ADAMTS2: variants seen among roughly 807,000 people sequenced by gnomAD.
ADAMTS2 encodes the protein A disintegrin and metalloproteinase with thrombospondin motifs 2.
A neutral mutation model predicts 123.0 loss-of-function variants in ADAMTS2; 50 were observed. The ratio of observed to expected loss-of-function variants is 0.41; its 90% CI spans 0.32 to 0.51. The LOEUF is 0.51. ADAMTS2 is among the 20% of genes least tolerant of loss of function. ADAMTS2 has a pLI of 0.35. For synonymous variants in ADAMTS2, 678 were observed against 695.4 expected (o/e 0.98, Z 0.39); for missense variants, 1,494 against 1,705.2 (o/e 0.88, Z 2.18).
At chr5:179,249,108 G>A (rs1765865376) in intron 3 of ADAMTS2, among the ~76,000 whole-genome samples, 1 of 152,052 alleles carries the variant, frequency 6.6e-6, no homozygotes, top group African/African-American at 2.4e-5. Context: ...TCACAAATAT[G>A]TAGAAATTTA....
At chr5:179,173,779 G>A (rs997233870) in intron 5 of ADAMTS2, among the ~76,000 whole-genome samples, 1 of 152,156 alleles carries the variant, frequency 6.6e-6, no homozygotes, top group African/African-American at 2.4e-5. Context: ...ACTTTGGGAG[G>A]CCGAGGCGGA....
In ADAMTS2 at chr5:179,225,305, G is replaced by A. The variant is rs1284325647; in HGVS notation, c.689-17590C>T. ...AGGAAACAATCCAGCAATCCAAAAGGGAAATGGACAAACGGTATTGATACA... is the reference window on the plus strand; with the variant it reads ...AGGAAACAATCCAGCAATCCAAAAGAGAAATGGACAAACGGTATTGATACA... On this transcript the variant is annotated intron_variant, in intron 3 of 21. Coordinates refer to ENST00000251582, the MANE Select transcript of ADAMTS2 (RefSeq NM_014244.5). The surrounding 1 kb of genome is among the most constrained non-coding windows in gnomAD (Gnocchi z 4.5). Among the ~76,000 whole-genome samples the A allele has an allele frequency of 6.6e-6, 1 of 152,190 alleles. No individual in the cohort carries two copies. The highest frequency in any genetic ancestry group is 1.9e-4 in the East Asian group (1 of 5,196).
In ADAMTS2 at chr5:179,140,799, C is replaced by CTTTTT. The variant is rs770094463; in HGVS notation, c.1630-769_1630-765dup. Among the ~76,000 whole-genome samples the CTTTTT allele has an allele frequency of 7.3e-3, 660 of 90,412 alleles. 75 individuals are homozygous for CTTTTT. Among genetic ancestry groups the CTTTTT allele is most frequent in the African/African-American group, 0.021 (473 of 22,612 alleles). 59.3% of individuals were successfully genotyped at this position (90,412 alleles called of 152,430 possible). ...TTTCCTTCAGTTCCGACTGCATGCT[C>CTTTTT]TTTTTTTTTTTTTTTTTTTGAGACA... is the stretch of plus-strand genomic sequence containing the variant. On this transcript the variant is annotated intron_variant, in intron 10 of 21. Coordinates refer to ENST00000251582, the MANE Select transcript of ADAMTS2 (RefSeq NM_014244.5).
chr5:179,138,503 G>C (rs1380320653), intron 11 of ADAMTS2, among the ~76,000 whole-genome samples: 1 of 152,228 alleles, frequency 6.6e-6, no homozygotes, highest in Non-Finnish European at 1.5e-5. Context: ...GGCGGGCTGC[G>C]TTTCTGCAAC....
chr5:179,187,167 C>T (rs1270872431), intron 4 of ADAMTS2, among the ~76,000 whole-genome samples: 6 of 152,160 alleles, frequency 3.9e-5, no homozygotes, highest in Non-Finnish European at 7.3e-5. Flanking sequence ...CTTTAGATAT[C>T]TCAGGAGCAT....
At chr5:179,136,065 T>G (rs1406141720) in intron 12 of ADAMTS2, 23 bp from the exon 13 acceptor site, 2 of 1,612,526 alleles carry the variant, frequency 1.2e-6, no homozygotes, top group Admixed American at 3.3e-5. Context: ...CAGCTGGGGG[T>G]CTGCAAGGAG....
chr5:179,277,363 CACCCCCCGAGACCAAAGGCTGA>C, intron 2 of ADAMTS2, among the ~76,000 whole-genome samples: 1 of 9,862 alleles, frequency 1.0e-4, no homozygotes, highest in African/African-American at 8.2e-4. Flanking sequence ...CAAAGGCTGA[CACCCCCCGAGACCAAAGGCTGA>C]CCCCCCCCCC....
intron 12 of ADAMTS2, among the ~76,000 whole-genome samples, chr5:179,137,303 C>CA (rs1273324688): frequency 6.6e-6 from 1 of 152,266 alleles, no homozygotes; most frequent in African/African-American, 2.4e-5. Context: ...CCAGACTCCT[C>CA]AGGTCCCTGA....
chr5:179,230,230 G>C (rs114884322), intron 3 of ADAMTS2, among the ~76,000 whole-genome samples: 1,638 of 152,292 alleles, frequency 0.011, 36 homozygotes, highest in African/African-American at 0.038. Context: ...GGTGCCCTCG[G>C]GGGCAAGGGG....
In ADAMTS2 at chr5:179,170,034, T is replaced by C. The variant is rs1763783427; in HGVS notation, c.975+11038A>G. ...AAATCAATTGAAAAGCCAGTTGCTA[T>C]GCAACCTCAAGTGTTGCCGATGCTC... On this transcript the variant is annotated intron_variant, in intron 5 of 21. Transcript: ENST00000251582. This position sits in a 1 kb window ranked among gnomAD's most constrained non-coding sequence, Gnocchi z 4.3. Among the ~76,000 whole-genome samples the C allele has an allele frequency of 1.3e-5, 2 of 152,248 alleles. No homozygotes were observed. Among genetic ancestry groups the C allele is most frequent in the African/African-American group, 2.4e-5 (1 of 41,458 alleles).
chr5:179,131,732 T>A lies in ADAMTS2; in HGVS notation c.2290+498A>T, dbSNP rs1031103936. Among the ~76,000 whole-genome samples, 4 of 152,166 alleles carry A rather than the reference T, an allele frequency of 2.6e-5. No individual in the cohort carries two copies. The South Asian group carries it at 8.3e-4, about 32-fold the overall frequency. On this transcript the variant is annotated intron_variant, in intron 15 of 21. Transcript: ENST00000251582. ...ACCGAGAGGTGTGAGAACATCCATATTTTCAGGAGATACCAGGATCCCTAT... is the reference window on the plus strand; with the variant it reads ...ACCGAGAGGTGTGAGAACATCCATAATTTCAGGAGATACCAGGATCCCTAT...
At chr5:179,139,838 T>C in intron 11 of ADAMTS2, 52 bp downstream of exon 11, 1 of 1,607,704 alleles carries the variant, frequency 6.2e-7, no homozygotes, top group South Asian at 1.1e-5. Flanking sequence ...GAGGGTCTCC[T>C]GGACCCTCAG....
Position 179,207,640 on chromosome 5 carries a change from C to T in ADAMTS2, c.764G>A (p.Arg255Gln), listed in dbSNP as rs117222015. The change falls in exon 4 of 22, where the codon CGG becomes CAG. Residue 255 changes from arginine to glutamine, a missense_variant. By Grantham distance (43) the Arg-to-Gln change is conservative. Around this residue, in one of 6 missense-constraint regions of ADAMTS2, gnomAD observed 184 missense variants for 152.1 expected, o/e 1.21. Coordinates refer to ENST00000251582, the MANE Select transcript of ADAMTS2 (RefSeq NM_014244.5). Reference sequence around the variant, plus strand: ...GTCCGCAGCATGCCTGCGTGCCCTCCGCCTCGAGCTGTTGGCGTGCTCCTC... The same window carrying T: ...GTCCGCAGCATGCCTGCGTGCCCTCTGCCTCGAGCTGTTGGCGTGCTCCTC... ...VLEEHANSSR[R>Q]RARRHAADDD... 1,755 of 1,613,770 alleles carry T rather than the reference C, an allele frequency of 1.1e-3. 14 individuals carry two copies. Among genetic ancestry groups the T allele is most frequent in the East Asian group, 9.8e-3 (441 of 44,884 alleles).
chr5:179,328,953 C>T (rs903987236), intron 2 of ADAMTS2, among the ~76,000 whole-genome samples: 6 of 152,100 alleles, frequency 3.9e-5, no homozygotes, highest in Non-Finnish European at 7.3e-5. Flanking sequence ...TAAAACCTCA[C>T]GATGGTGATA....
intron 19 of ADAMTS2, among the ~76,000 whole-genome samples, chr5:179,123,456 C>T (rs986706343): frequency 2.6e-5 from 4 of 152,228 alleles, no homozygotes; most frequent in South Asian, 2.1e-4. Context: ...GACAGGATCT[C>T]GCTGTGTGGC....
At chr5:179,251,138 C>A (rs1765913457) in intron 3 of ADAMTS2, among the ~76,000 whole-genome samples, 1 of 152,230 alleles carries the variant, frequency 6.6e-6, no homozygotes, top group African/African-American at 2.4e-5. Context: ...AGATCCTCCA[C>A]TTTCTAATTG....
chr5:179,304,743 C>G (rs1008513932), intron 2 of ADAMTS2, among the ~76,000 whole-genome samples: 7 of 151,954 alleles, frequency 4.6e-5, no homozygotes, highest in Admixed American at 3.3e-4. Flanking sequence ...CAGTCATGTC[C>G]CAGAAGGAGA....
intron 3 of ADAMTS2, among the ~76,000 whole-genome samples, chr5:179,271,635 AC>A (rs1766535659): frequency 6.6e-6 from 1 of 152,226 alleles, no homozygotes. Flanking sequence ...GGCAGGCAGT[AC>A]CCAGTGGCCC....
intron 2 of ADAMTS2, among the ~76,000 whole-genome samples, chr5:179,290,010 C>A (rs163493): frequency 6.6e-6 from 1 of 152,140 alleles, no homozygotes; most frequent in Admixed American, 6.5e-5. Flanking sequence ...ACCAGACAAC[C>A]GACATGAGTC....
Sources: allele counts gnomAD v4.1 joint callset (sites outside exome capture counted in the v4.1 genomes callset), GRCh38; gene constraint gnomAD v4.1.1; regional missense constraint gnomAD v4.1.1; non-coding constraint Gnocchi (gnomAD v3.1); transcripts MANE v1.5; gene names NCBI Gene and HGNC (gene_info 2026-07-23, HGNC 2026-07-21).